Variants in TYK2 observed in about 807,000 individuals in gnomAD.
TYK2 encodes the protein non-receptor tyrosine-protein kinase TYK2.
Under a neutral mutation model 130.9 loss-of-function variants are expected in TYK2, and 65 were observed. That is an observed-to-expected ratio of 0.50 (90% confidence interval 0.41 to 0.61). The LOEUF (loss-of-function observed/expected upper bound fraction) is 0.61. Ranked by LOEUF, TYK2 falls within the 20% of genes least tolerant of loss-of-function variation. TYK2 has a pLI of 0.00. For synonymous variants in TYK2, 647 were observed against 658.9 expected (o/e 0.98, Z 0.28); for missense variants, 1,378 against 1,610.7 (o/e 0.86, Z 2.47).
At position 10,362,616 on chromosome 19, in the gene TYK2, A is replaced by T; in HGVS notation, c.1409T>A (p.Leu470Gln). 1.3e-6 allele frequency: 2 copies of T among 1,552,684 alleles called. No individual in the cohort carries two copies. Among genetic ancestry groups the T allele is most frequent in the Non-Finnish European group, 1.7e-6 (2 of 1,147,522 alleles). The stretch of plus-strand genomic sequence containing the variant: ...GCTGGTGCTCCAGTGAATGAGGTAC[A>T]GGCCGTCCTCGGGCCGCAGCTTGGC... ...VQAKLRPEDG[L>Q]YLIHWSTSHP... The change falls in exon 10 of 25, where the codon CTG becomes CAG. Residue 470 changes from leucine (L) to glutamine (Q), a missense_variant. By Grantham distance (113) the Leu-to-Gln change is moderately radical. Transcript: ENST00000525621.
chr19:10,370,119 T>C (rs915515210), intron 3 of TYK2, among the ~76,000 whole-genome samples: 1 of 151,824 alleles, frequency 6.6e-6, no homozygotes, highest in Non-Finnish European at 1.5e-5. Context: ...CCCAACACTT[T>C]GGGAGTCTGA....
At chr19:10,365,121 GGA>G (rs2041601195) in intron 7 of TYK2, 73 bp from the exon 8 acceptor site, 1 of 1,458,162 alleles carries the variant, frequency 6.9e-7, no homozygotes, top group East Asian at 2.4e-5. Flanking sequence ...TTTCCCCTGG[GGA>G]GAGACTGGAG....
At position 10,361,910 on chromosome 19, in the gene TYK2, G is replaced by A. The variant is rs151252201; in HGVS notation, c.1819C>T (p.Arg607Cys). The A allele has an allele frequency of 1.7e-5, 27 of 1,613,894 alleles. No individual in the cohort carries two copies. The highest frequency in any genetic ancestry group is 1.1e-4 in the African/African-American group (8 of 74,896). The part of the protein sequence containing the change: ...QGTRTNVYEG[R>C]LRVEGSGDPE... ...TCCCCGCTGCCCTCCACTCGCAGGC[G>A]GCCCTCATACACGTTGGTCCTTGTG... Residue 607 changes from arginine (R) to cysteine (C), a missense_variant, in exon 13 of 25, where the codon CGC becomes TGC. By Grantham distance (180) the Arg-to-Cys change is radical. Coordinates refer to ENST00000525621, the MANE Select transcript of TYK2 (RefSeq NM_003331.5). The surrounding 1 kb of genome is among the most constrained non-coding windows in gnomAD (Gnocchi z 4.0).
At position 10,366,458 on chromosome 19, in the gene TYK2, G is replaced by T. The variant is rs748702569; in HGVS notation, c.588C>A (p.Leu196=). Residue 196 remains leucine, a synonymous_variant, in exon 6 of 25, where the codon CTC becomes CTA. Transcript: ENST00000525621. ...MAFLHLCHLA[L]RHGIPLEEVA... is the part of the protein sequence containing the mutation. ...CCTCCTCCAGGGGGATGCCATGGCG[G>T]AGAGCGAGGTGACAGAGGTGCAGAA... 3.7e-6 allele frequency: 6 copies of T among 1,614,012 alleles called. No homozygotes were observed. In the East Asian group the frequency reaches 1.3e-4, roughly 36 times the overall value.
In TYK2 at chr19:10,353,544, G is replaced by A; in HGVS notation, c.3011C>T (p.Ala1004Val). ...SIGLAQLLLF[A>V]QQICEGMAYL... is the part of the protein sequence containing the mutation. The stretch of plus-strand genomic sequence containing the variant: ...CCGACCAACCTCGCAGATCTGCTGG[G>A]CGAAGAGCAGCAGCTGGGCCAGCCC... Residue 1004 changes from alanine (A) to valine (V), a missense_variant, in exon 21 of 25, where the codon GCC (alanine) becomes GTC (valine). By Grantham distance (64) the Ala-to-Val change is moderately conservative. Transcript: ENST00000525621. The surrounding 1 kb of genome is among the most constrained non-coding windows in gnomAD (Gnocchi z 6.9). 6.7e-7 allele frequency: 1 copy of A among 1,498,664 alleles called. No homozygotes were observed. Among genetic ancestry groups the A allele is most frequent in the South Asian group, 1.4e-5 (1 of 73,338 alleles). 92.8% of individuals were successfully genotyped at this position (1,498,664 alleles called of 1,614,324 possible).
At chr19:10,355,800 A>T (rs1244280644) in intron 18 of TYK2, among the ~76,000 whole-genome samples, 1 of 150,984 alleles carries the variant, frequency 6.6e-6, no homozygotes, top group Non-Finnish European at 1.5e-5. Context: ...CGTCTCTACT[A>T]AAAATACAAA....
At position 10,369,686 on chromosome 19, in the gene TYK2, GACTT is replaced by G. The variant is rs1213808965; in HGVS notation, c.194-1272_194-1269del. The G allele has an allele frequency of 6.6e-6, 3 of 452,420 alleles. No individual in the cohort carries two copies. In the East Asian group the frequency reaches 2.1e-4, roughly 32 times the overall value. The allele number at this position is 452,420 out of a possible 1,614,324, so 28.0% of individuals were successfully genotyped here. A position where few individuals can be genotyped will look rare whatever the true frequency, so the allele number is the denominator to read the frequency against. ...AACCTCAACCCCAATCCAGTCTCCAGACTTGCTGTAATTTCCCACACCAGCTACC... is the reference window on the plus strand; with the variant it reads ...AACCTCAACCCCAATCCAGTCTCCAGGCTGTAATTTCCCACACCAGCTACC... On this transcript the variant is annotated intron_variant, in intron 3 of 24. Coordinates refer to ENST00000525621, the MANE Select transcript of TYK2 (RefSeq NM_003331.5).
intron 5 of TYK2, 143 bp from the exon 6 acceptor site, chr19:10,366,723 G>C: frequency 1.6e-6 from 1 of 636,994 alleles, no homozygotes; most frequent in Non-Finnish European, 2.6e-6. Context: ...ACTAATGATA[G>C]CTGATGAGCT....
At position 10,350,829 on chromosome 19, in the gene TYK2, G is replaced by A. The variant is rs1384943708; in HGVS notation, c.*5C>T. On this transcript the variant is annotated 3_prime_UTR_variant, in exon 25 of 25. Coordinates refer to ENST00000525621, the MANE Select transcript of TYK2 (RefSeq NM_003331.5). ...AGTCCTCCCAGGCAGGGCTGCCATT[G>A]TGCCTCAGCACACGCTGAACACTGA... The A allele has an allele frequency of 3.1e-6, 5 of 1,612,930 alleles. No homozygotes were observed. Among genetic ancestry groups the A allele is most frequent in the Admixed American group, 1.7e-5 (1 of 59,996 alleles).
At chr19:10,368,258 A>G (rs2041757958) in intron 4 of TYK2, 37 bp downstream of exon 4, 1 of 1,614,056 alleles carries the variant, frequency 6.2e-7, no homozygotes, top group African/African-American at 1.3e-5. Context: ...CAGCTTCAGC[A>G]CAGGAGGGGA....
intron 3 of TYK2, among the ~76,000 whole-genome samples, chr19:10,377,607 G>T (rs1267335567): frequency 1.1e-4 from 13 of 121,116 alleles, no homozygotes; most frequent in Non-Finnish European, 1.9e-4. Context: ...TGGATGGATG[G>T]GTGGATGGAT....
rs771694964 is a variant in TYK2 at position 10,361,561 on chromosome 19, G to C, written c.1997C>G (p.Ser666Cys). The C allele has an allele frequency of 7.1e-6, 11 of 1,548,676 alleles. No homozygotes were observed. Among genetic ancestry groups the C allele is most frequent in the Non-Finnish European group, 9.6e-6 (11 of 1,147,054 alleles). Residue 666 changes from serine to cysteine, a missense_variant, in exon 14 of 25, where the codon TCC becomes TGC. Physicochemically the swap from Ser to Cys is moderately radical, Grantham distance 112 (BLOSUM62 -1). Transcript: ENST00000525621. This position sits in a 1 kb window ranked among gnomAD's most constrained non-coding sequence, Gnocchi z 4.0. ...YETASLMSQV[S>C]HTHLAFVHGV... ...ATGCACGAAGGCCAGGTGCGTGTGG[G>C]AGACCTGGCTCATGAGGCTGGCTGT...
intron 2 of TYK2, 112 bp downstream of exon 2, chr19:10,379,503 T>C (rs2042294207): frequency 6.9e-6 from 1 of 145,310 alleles, no homozygotes; most frequent in Admixed American, 6.8e-5. Flanking sequence ...TCTACTAAAA[T>C]ACAATAAATA....
rs1403409940 is a variant in TYK2 at position 10,364,521 on chromosome 19, GCACCTACA to G, written c.1367+85_1367+92del. ...AAAAAATAAAAAAAAAATAAGACGT[GCACCTACA>G]CACACACCCTGCACAGCCCCTAGGG... On this transcript the variant is annotated intron_variant, in intron 9 of 24. Transcript: ENST00000525621. This position sits in a 1 kb window ranked among gnomAD's most constrained non-coding sequence, Gnocchi z 4.9. 1.4e-6 allele frequency: 2 copies of G among 1,401,396 alleles called. No homozygotes were observed. Among genetic ancestry groups the G allele is most frequent in the African/African-American group, 2.9e-5 (2 of 69,934 alleles). The allele number at this position is 1,401,396 out of a possible 1,614,324, so 86.8% of individuals were successfully genotyped here. A position where few individuals can be genotyped will look rare whatever the true frequency, so the allele number is the denominator to read the frequency against.
chr19:10,365,423 G>T, intron 7 of TYK2, 94 bp downstream of exon 7: 1 of 1,583,714 alleles, frequency 6.3e-7, no homozygotes, highest in Non-Finnish European at 8.6e-7. Context: ...GAGGGCTCAG[G>T]TCAGCCACCC....
chr19:10,380,084 A>G (rs1422902908), intron 1 of TYK2, among the ~76,000 whole-genome samples: 1 of 152,206 alleles, frequency 6.6e-6, no homozygotes, highest in Non-Finnish European at 1.5e-5. Flanking sequence ...GTCTACCTCA[A>G]AAGGCTGCTG....
intron 3 of TYK2, among the ~76,000 whole-genome samples, chr19:10,374,919 T>C (rs922280950): frequency 4.0e-5 from 6 of 150,998 alleles, no homozygotes; most frequent in African/African-American, 2.4e-5. Context: ...CCAGGCGCGA[T>C]GGCTCATGCC....
chr19:10,377,537 TGGATGGATGGGTGG>T (rs2042178368), intron 3 of TYK2, among the ~76,000 whole-genome samples: 1 of 92,106 alleles, frequency 1.1e-5, no homozygotes. Flanking sequence ...GATGGATGGA[TGGATGGATGGGTGG>T]GTGGGTGGAT....
chr19:10,366,673 C>A, intron 5 of TYK2, 93 bp from the exon 6 acceptor site: 1 of 1,391,386 alleles, frequency 7.2e-7, no homozygotes, highest in East Asian at 2.3e-5. Flanking sequence ...CTGGACCACA[C>A]TGGAAGAAGT....
Sources: gnomAD v4.1 joint callset for allele counts (sites outside exome capture counted in the v4.1 genomes callset) on GRCh38, gnomAD v4.1.1 for gene constraint, Gnocchi (gnomAD v3.1) non-coding constraint, MANE v1.5 for transcripts, NCBI Gene and HGNC (gene_info 2026-07-23, HGNC 2026-07-21) for gene names.